The following RGS5 variants were observed in gnomAD, a reference collection of about 807,000 sequenced individuals.
RGS5 encodes the protein regulator of G protein signaling 5.
A neutral mutation model predicts 18.9 loss-of-function variants in RGS5; 20 were observed. That is an observed-to-expected ratio of 1.06 (90% CI 0.74 to 1.54). The LOEUF (loss-of-function observed/expected upper bound fraction) is 1.54, where lower values mean the gene tolerates loss of function less well. Among genes scored for constraint, RGS5 ranks in the 40% most tolerant of loss-of-function variants. The pLI is 0.00. For synonymous variants in RGS5, 57 were observed against 76.2 expected (o/e 0.75, Z 1.31); for missense variants, 201 against 211.8 (o/e 0.95, Z 0.32).
At chr1:163,247,349 C>T (rs956259882) in intron 2 of RGS5, among the ~76,000 whole-genome samples, 17 of 152,126 alleles carry the variant, frequency 1.1e-4, no homozygotes, top group African/African-American at 3.6e-4. Context: ...TTTCTCAGCA[C>T]GGAGATATGG....
intron 2 of RGS5, among the ~76,000 whole-genome samples, chr1:163,295,319 CCTT>C (rs1202597445): frequency 1.8e-4 from 27 of 152,246 alleles, no homozygotes; most frequent in African/African-American, 6.3e-4. Context: ...CATTTAGAAA[CCTT>C]CTTGACTGGC....
At chr1:163,180,502 T>C (rs949017226) in intron 1 of RGS5, among the ~76,000 whole-genome samples, 2 of 152,004 alleles carry the variant, frequency 1.3e-5, no homozygotes, top group Non-Finnish European at 1.5e-5. Context: ...CCCAAATCAC[T>C]TGGAGGCCTG....
upstream of RGS5, among the ~76,000 whole-genome samples, chr1:163,218,220 T>C (rs1008693762): frequency 6.6e-6 from 1 of 152,160 alleles, no homozygotes; most frequent in South Asian, 2.1e-4. Flanking sequence ...ATATGTGAAC[T>C]TGAATGAGGG....
chr1:163,193,016 A>T (rs1659418428), intron 1 of RGS5, among the ~76,000 whole-genome samples: 1 of 152,236 alleles, frequency 6.6e-6, no homozygotes. Flanking sequence ...AGAAAATATC[A>T]AAAAGTGGAA....
At chr1:163,182,479 A>T (rs1658892739) in intron 1 of RGS5, among the ~76,000 whole-genome samples, 1 of 152,176 alleles carries the variant, frequency 6.6e-6, no homozygotes, top group South Asian at 2.1e-4. Flanking sequence ...GGAAATTGAG[A>T]TATTTCCCAT....
At chr1:163,170,369 A>T (rs4501819) in intron 1 of RGS5, among the ~76,000 whole-genome samples, 109,427 of 152,136 alleles carry the variant, frequency 0.72, 39,837 homozygotes, top group East Asian at 0.9. Flanking sequence ...AAATATCTTG[A>T]TTTTGTTCTT....
chr1:163,315,585 G>A (rs1682965645), intron 1 of RGS5, among the ~76,000 whole-genome samples: 1 of 152,132 alleles, frequency 6.6e-6, no homozygotes, highest in Non-Finnish European at 1.5e-5. Context: ...CTTGGATCTT[G>A]TTTAGAGCTC....
chr1:163,148,224 G>T (rs1484354565), intron 4 of RGS5, among the ~76,000 whole-genome samples: 1 of 152,084 alleles, frequency 6.6e-6, no homozygotes, highest in Non-Finnish European at 1.5e-5. Flanking sequence ...ACCGCGTCCG[G>T]CCCTGGTGCC....
intron 3 of RGS5, among the ~76,000 whole-genome samples, chr1:163,156,876 T>A (rs1657602250): frequency 6.6e-6 from 1 of 152,162 alleles, no homozygotes; most frequent in Non-Finnish European, 1.5e-5. Flanking sequence ...ATATGCAAAG[T>A]GCTTAGAACA....
At chr1:163,151,091 T>C (rs1657353293) in intron 4 of RGS5, among the ~76,000 whole-genome samples, 2 of 152,206 alleles carry the variant, frequency 1.3e-5, no homozygotes, top group African/African-American at 2.4e-5. Flanking sequence ...GTGGCCATCC[T>C]GAATTCCACA....
At chr1:163,287,453 T>C (rs140395336) in intron 2 of RGS5, among the ~76,000 whole-genome samples, 51 of 152,338 alleles carry the variant, frequency 3.3e-4, no homozygotes, top group African/African-American at 1.2e-3. Context: ...TTTAGGACCA[T>C]GCCATTCATT....
intron 2 of RGS5, among the ~76,000 whole-genome samples, chr1:163,282,992 G>GA (rs1408159212): frequency 6.6e-6 from 1 of 152,190 alleles, no homozygotes; most frequent in East Asian, 1.9e-4. Flanking sequence ...CAACATGGAT[G>GA]AGACTGGAGT....
chr1:163,303,175 C>A (rs1649596102), intron 2 of RGS5, among the ~76,000 whole-genome samples: 1 of 152,110 alleles, frequency 6.6e-6, no homozygotes, highest in Non-Finnish European at 1.5e-5. Context: ...ATGAAACATA[C>A]TTACATTAAA....
intron 2 of RGS5, among the ~76,000 whole-genome samples, chr1:163,236,676 C>T (rs1647628671): frequency 2.6e-5 from 4 of 152,054 alleles, no homozygotes; most frequent in Admixed American, 2.0e-4. Context: ...ATAAAAATGG[C>T]CAATGGGCCA....
At chr1:163,309,563 G>T (rs1649798161) in intron 1 of RGS5, among the ~76,000 whole-genome samples, 1 of 151,824 alleles carries the variant, frequency 6.6e-6, no homozygotes. Context: ...TAATATTGCA[G>T]CAATTTAGTC....
chr1:163,317,638 C>G (rs185941999), intron 1 of RGS5, among the ~76,000 whole-genome samples: 3 of 152,142 alleles, frequency 2.0e-5, no homozygotes, highest in Non-Finnish European at 4.4e-5. Flanking sequence ...TTACTATTAG[C>G]CTTAAGAAGG....
chr1:163,181,016 C>A (rs538283570), intron 1 of RGS5, among the ~76,000 whole-genome samples: 1 of 151,998 alleles, frequency 6.6e-6, no homozygotes, highest in Non-Finnish European at 1.5e-5. Flanking sequence ...CCCTAGCAAC[C>A]GCTGATCTGT....
chr1:163,264,093 C>T (rs188300125), intron 2 of RGS5, among the ~76,000 whole-genome samples: 3 of 152,038 alleles, frequency 2.0e-5, no homozygotes, highest in Admixed American at 2.0e-4. Flanking sequence ...GGGAAAGCAC[C>T]CCTTACCTAA....
At chr1:163,194,662 A>T (rs1228821526) in intron 1 of RGS5, among the ~76,000 whole-genome samples, 1 of 152,090 alleles carries the variant, frequency 6.6e-6, no homozygotes, top group African/African-American at 2.4e-5. Flanking sequence ...TTTCAAATAA[A>T]TTGCAAAGAA....
Sources: allele counts gnomAD v4.1 joint callset (sites outside exome capture counted in the v4.1 genomes callset), GRCh38; gene constraint gnomAD v4.1.1; transcripts MANE v1.5; gene names NCBI Gene and HGNC (gene_info 2026-07-23, HGNC 2026-07-21).